Variants in MCPH1 observed in about 807,000 individuals in gnomAD.
MCPH1 encodes microcephalin.
MCPH1 carries 104 observed loss-of-function variants against 84.5 expected under a neutral mutation model. The ratio of observed to expected loss-of-function variants is 1.23; its 90% CI spans 1.05 to 1.45. The LOEUF (loss-of-function observed/expected upper bound fraction) is 1.45. Among genes scored for constraint, MCPH1 ranks in the 40% most tolerant of loss-of-function variants. MCPH1 has a pLI of 0.00. For missense variants in MCPH1, 1,498 were observed against 1,005.7 expected (o/e 1.49, Z -6.62); for synonymous variants, 514 against 366.8 (o/e 1.40, Z -4.58).
At position 6,645,574 on chromosome 8, in the gene MCPH1, C is replaced by T. The variant is rs1383967940; in HGVS notation, c.*2525C>T. ...ATAAAAGTCTTTATTCTCAAGAATA[C>T]AAGACACTATGTATAGAAATTGTAA... On this transcript the variant is annotated 3_prime_UTR_variant, in exon 14 of 14. Coordinates refer to ENST00000344683, the MANE Select transcript of MCPH1 (RefSeq NM_024596.5). 1 of 65,070 alleles carries T rather than the reference C, an allele frequency of 1.5e-5. No homozygotes were observed. Among genetic ancestry groups the T allele is most frequent in the Non-Finnish European group, 2.7e-5 (1 of 36,420 alleles). 4.0% of individuals were successfully genotyped at this position (65,070 alleles called of 1,614,324 possible).
rs1365581873 is a variant in MCPH1, at chr8:6,505,293, A to T, written c.2214+5364A>T. On this transcript the variant is annotated intron_variant, in intron 12 of 13. Coordinates refer to ENST00000344683, the MANE Select transcript of MCPH1 (RefSeq NM_024596.5). Reference sequence around the variant, plus strand: ...ATATGTATACATATATATGTTATATACATATATATGTATATAACATATATA... The same window carrying T: ...ATATGTATACATATATATGTTATATTCATATATATGTATATAACATATATA... Among the ~76,000 whole-genome samples the T allele has an allele frequency of 1.2e-3, 80 of 69,534 alleles. 5 individuals are homozygous for T. Among genetic ancestry groups the T allele is most frequent in the African/African-American group, 5.5e-3 (72 of 13,166 alleles). The allele number at this position is 69,534 out of a possible 152,430, so 45.6% of individuals were successfully genotyped here.
Position 6,645,627 on chromosome 8 carries a change from G to T in MCPH1, c.*2578G>T, listed in dbSNP as rs1360940080. 2.5e-5 allele frequency: 2 copies of T among 79,370 alleles called. No homozygotes were observed. The highest frequency in any genetic ancestry group is 4.6e-5 in the Non-Finnish European group (2 of 43,574). The allele number at this position is 79,370 out of a possible 1,614,324, so 4.9% of individuals were successfully genotyped here. On this transcript the variant is annotated 3_prime_UTR_variant, in exon 14 of 14. Transcript: ENST00000344683. ...AATGCAAAAAAAAAAAAAAAAAAAA[G>T]CCCTACAAGAACTTATAACAAGTTT...
chr8:6,439,305 A>C (rs1340130701), intron 6 of MCPH1, among the ~76,000 whole-genome samples: 1 of 151,912 alleles, frequency 6.6e-6, no homozygotes, highest in African/African-American at 2.4e-5. Context: ...CTTCAAGTTT[A>C]AAATCCTATT....
intron 12 of MCPH1, among the ~76,000 whole-genome samples, chr8:6,607,535 T>G (rs1829884140): frequency 6.6e-6 from 1 of 152,346 alleles, no homozygotes; most frequent in African/African-American, 2.4e-5. Flanking sequence ...AAATCTTTCC[T>G]TCCCTACTGA....
chr8:6,536,981 A>G (rs1279208737), intron 12 of MCPH1, among the ~76,000 whole-genome samples: 1 of 151,654 alleles, frequency 6.6e-6, no homozygotes, highest in African/African-American at 2.4e-5. Flanking sequence ...AGAAAAAAAA[A>G]AAAAAAAAAC....
rs201218110 is a variant in MCPH1 at position 6,414,891 on chromosome 8, G to C, written c.233+8G>C. The stretch of plus-strand genomic sequence containing the variant: ...GGTGCTCTGGGTGGAAAAGTAAGCA[G>C]TTTCTCTCTTACTTTTTTTCCTTAA... On this transcript the variant is annotated splice_region_variant and intron_variant, in intron 3 of 13. Transcript: ENST00000344683. 3.7e-5 allele frequency: 60 copies of C among 1,612,662 alleles called. No individual in the cohort carries two copies. Among genetic ancestry groups the C allele is most frequent in the Admixed American group, 8.3e-5 (5 of 59,882 alleles).
intron 12 of MCPH1, among the ~76,000 whole-genome samples, chr8:6,536,042 G>C (rs1353171612): frequency 6.6e-6 from 1 of 152,154 alleles, no homozygotes; most frequent in Non-Finnish European, 1.5e-5. Context: ...GGGCGACAGA[G>C]TGAGACCTTG....
Position 6,439,058 on chromosome 8 carries a change from A to G in MCPH1, c.542A>G (p.Gln181Arg). The G allele has an allele frequency of 6.2e-6, 10 of 1,613,612 alleles. No individual in the cohort carries two copies. The highest frequency in any genetic ancestry group is 8.5e-6 in the Non-Finnish European group (10 of 1,179,844). ...CACAGCGCAATGGAGAAGAGATTACAAGAGATGAAGGAGAAAAGGGAAAAT... is the reference window on the plus strand; with the variant it reads ...CACAGCGCAATGGAGAAGAGATTACGAGAGATGAAGGAGAAAAGGGAAAAT... ...RHHSAMEKRLQEMKEKRENLS... is the reference protein window; with the variant it reads ...RHHSAMEKRLREMKEKRENLS... Residue 181 changes from glutamine (Q) to arginine (R), a missense_variant, in exon 6 of 14, where the codon CAA becomes CGA. Gln to Arg is a conservative substitution (Grantham distance 43). Coordinates refer to ENST00000344683, the MANE Select transcript of MCPH1 (RefSeq NM_024596.5).
At position 6,502,886 on chromosome 8, in the gene MCPH1, T is replaced by A. The variant is rs1812468092; in HGVS notation, c.2214+2957T>A. On this transcript the variant is annotated intron_variant, in intron 12 of 13. Coordinates refer to ENST00000344683, the MANE Select transcript of MCPH1 (RefSeq NM_024596.5). The stretch of plus-strand genomic sequence containing the variant: ...GCATAGGTGTTCTGTCTAATCACAA[T>A]TATGGATGTTTAGGGTCTTGCTTTG... The A allele has an allele frequency of 5.5e-6, 3 of 546,144 alleles. No individual in the cohort carries two copies. The Admixed American group carries it at 1.0e-4, about 18-fold the overall frequency. The allele number at this position is 546,144 out of a possible 1,614,324, so 33.8% of individuals were successfully genotyped here.
chr8:6,536,588 G>T (rs879558365), intron 12 of MCPH1, among the ~76,000 whole-genome samples: 13 of 152,114 alleles, frequency 8.5e-5, no homozygotes, highest in Admixed American at 8.5e-4. Flanking sequence ...CCTGACAAAA[G>T]AATCTGTGTT....
chr8:6,514,965 G>A (rs1423335254), intron 12 of MCPH1, among the ~76,000 whole-genome samples: 1 of 152,162 alleles, frequency 6.6e-6, no homozygotes, highest in Admixed American at 6.5e-5. Context: ...GAAAGTGATG[G>A]ATTAAAATGA....
intron 13 of MCPH1, among the ~76,000 whole-genome samples, chr8:6,636,551 C>G (rs532874050): frequency 6.6e-6 from 1 of 152,214 alleles, no homozygotes; most frequent in East Asian, 1.9e-4. Flanking sequence ...GCGATCATAG[C>G]TCATTGCAGC....
chr8:6,633,904 A>G (rs1797346522), intron 13 of MCPH1, among the ~76,000 whole-genome samples: 1 of 152,160 alleles, frequency 6.6e-6, no homozygotes, highest in African/African-American at 2.4e-5. Context: ...GGAATAATTT[A>G]TGTTTATCAA....
At position 6,431,561 on chromosome 8, in the gene MCPH1, A is replaced by C; in HGVS notation, c.296A>C (p.His99Pro). Reference sequence around the variant, plus strand: ...TTCCCTGCAGCTAATATGAATGAACACTTATCAAGCCTAATTAAAAAAAAA... The same window carrying C: ...TTCCCTGCAGCTAATATGAATGAACCCTTATCAAGCCTAATTAAAAAAAAA... Reference protein sequence around the residue: ...SLFPAANMNEHLSSLIKKKRK... With the variant: ...SLFPAANMNEPLSSLIKKKRK... Residue 99 changes from histidine (H) to proline (P), a missense_variant, in exon 4 of 14, where the codon CAC becomes CCC. Physicochemically the swap from His to Pro is moderately conservative, Grantham distance 77 (BLOSUM62 -2). Coordinates refer to ENST00000344683, the MANE Select transcript of MCPH1 (RefSeq NM_024596.5). 6.2e-7 allele frequency: 1 copy of C among 1,612,718 alleles called. No homozygotes were observed. The highest frequency in any genetic ancestry group is 8.5e-7 in the Non-Finnish European group (1 of 1,179,026).
At chr8:6,600,673 T>C (rs1009182518) in intron 12 of MCPH1, among the ~76,000 whole-genome samples, 1 of 152,240 alleles carries the variant, frequency 6.6e-6, no homozygotes, top group African/African-American at 2.4e-5. Context: ...TTTTAGTTTA[T>C]TGACTAAATA....
chr8:6,561,729 A>C (rs1481076656), intron 12 of MCPH1, among the ~76,000 whole-genome samples: 2 of 152,246 alleles, frequency 1.3e-5, no homozygotes, highest in African/African-American at 4.8e-5. Flanking sequence ...CATATAAAGA[A>C]AATTCCAGGT....
intron 12 of MCPH1, among the ~76,000 whole-genome samples, chr8:6,581,326 C>T (rs1288649298): frequency 6.6e-6 from 1 of 152,206 alleles, no homozygotes; most frequent in Non-Finnish European, 1.5e-5. Context: ...GAATTGCAAC[C>T]TCCAGCATAA....
intron 6 of MCPH1, among the ~76,000 whole-genome samples, chr8:6,440,636 C>T (rs1803368368): frequency 6.6e-6 from 1 of 152,204 alleles, no homozygotes; most frequent in African/African-American, 2.4e-5. Flanking sequence ...ATGGCATTAG[C>T]CTGTAGCCTT....
chr8:6,475,006 A>C (rs559484935), intron 9 of MCPH1, among the ~76,000 whole-genome samples: 1 of 152,160 alleles, frequency 6.6e-6, no homozygotes, highest in South Asian at 2.1e-4. Context: ...AGTGCTGTTG[A>C]AAGTATTATT....
Sources: gnomAD v4.1 joint callset for allele counts (sites outside exome capture counted in the v4.1 genomes callset) on GRCh38, gnomAD v4.1.1 for gene constraint, MANE v1.5 for transcripts, NCBI Gene and HGNC (gene_info 2026-07-23, HGNC 2026-07-21) for gene names.